LTBP1: variants seen among roughly 807,000 people sequenced by gnomAD.
LTBP1 encodes the protein latent transforming growth factor beta binding protein 1, also known as latent-transforming growth factor beta-binding protein 1.
Under a neutral mutation model 207.6 loss-of-function variants are expected in LTBP1, and 129 were observed. The observed-to-expected ratio is 0.62, with a 90% CI of 0.54 to 0.72. LTBP1 has a LOEUF of 0.72. LTBP1 is among the 30% of genes least tolerant of loss of function. The pLI is 0.00. For missense variants in LTBP1, 2,281 were observed against 2,217.2 expected, an observed-to-expected ratio of 1.03 and a Z score of -0.58; for synonymous variants, 963 against 833.7, an observed-to-expected ratio of 1.16 and a Z score of -2.67.
chr2:33,355,143 G>A (rs1335916661), intron 26 of LTBP1, among the ~76,000 whole-genome samples: 1 of 151,876 alleles, frequency 6.6e-6, no homozygotes, highest in Non-Finnish European at 1.5e-5. Flanking sequence ...ATCCTCGCAG[G>A]CCCTCATGAC....
At chr2:33,022,746 C>G (rs986288372) in intron 3 of LTBP1, among the ~76,000 whole-genome samples, 1 of 152,200 alleles carries the variant, frequency 6.6e-6, no homozygotes, top group Non-Finnish European at 1.5e-5. Context: ...CATACGGTTT[C>G]TGTTGCATCT....
At chr2:32,959,612 TA>T (rs1193994001) in intron 2 of LTBP1, among the ~76,000 whole-genome samples, 770 of 55,560 alleles carry the variant, frequency 0.014, 5 homozygotes, top group Non-Finnish European at 0.024. Context: ...TATATATATA[TA>T]TATATATATT....
chr2:32,960,470 T>C (rs1678921539), intron 2 of LTBP1, among the ~76,000 whole-genome samples: 1 of 152,164 alleles, frequency 6.6e-6, no homozygotes, highest in Non-Finnish European at 1.5e-5. Flanking sequence ...AGCTCCTATA[T>C]AGTAGGTTTT....
chr2:32,955,478 A>G (rs960157279), intron 2 of LTBP1, among the ~76,000 whole-genome samples: 1 of 151,946 alleles, frequency 6.6e-6, no homozygotes, highest in Non-Finnish European at 1.5e-5. Flanking sequence ...GTTTTCTTCC[A>G]CTAATTTTTT....
At chr2:33,252,558 C>A in intron 10 of LTBP1, 119 bp from the exon 11 acceptor site, 1 of 899,098 alleles carries the variant, frequency 1.1e-6, no homozygotes, top group Non-Finnish European at 1.6e-6. Context: ...TAAATCTAGA[C>A]AGATTTATCC....
intron 22 of LTBP1, among the ~76,000 whole-genome samples, chr2:33,309,088 G>A (rs149097490): frequency 1.5e-3 from 222 of 152,106 alleles, no homozygotes; most frequent in African/African-American, 5.0e-3. Flanking sequence ...TTGAAGACCA[G>A]ACTGGCCAAC....
chr2:33,142,209 G>A (rs748191487), intron 5 of LTBP1, among the ~76,000 whole-genome samples: 3 of 151,802 alleles, frequency 2.0e-5, no homozygotes, highest in Non-Finnish European at 2.9e-5. Flanking sequence ...CCACCACCAC[G>A]CCCGGCTAAT....
intron 3 of LTBP1, among the ~76,000 whole-genome samples, chr2:33,068,371 T>G (rs2077622543): frequency 6.6e-6 from 1 of 152,134 alleles, no homozygotes; most frequent in Non-Finnish European, 1.5e-5. Flanking sequence ...TGTGCACAGC[T>G]TCTTCCATTA....
intron 3 of LTBP1, chr2:33,056,433 A>G: frequency 1.0e-6 from 1 of 991,772 alleles, no homozygotes; most frequent in Non-Finnish European, 1.4e-6. Context: ...TTTGCCCAGC[A>G]GCTTGTTTAG....
intron 4 of LTBP1, among the ~76,000 whole-genome samples, chr2:33,119,070 A>G (rs2080952449): frequency 6.6e-6 from 1 of 152,190 alleles, no homozygotes; most frequent in Non-Finnish European, 1.5e-5. Flanking sequence ...CCAAGAGTTT[A>G]TAAGAAACAA....
chr2:33,265,629 T>G (rs561384530), intron 15 of LTBP1, among the ~76,000 whole-genome samples: 21 of 152,298 alleles, frequency 1.4e-4, no homozygotes, highest in Middle Eastern at 3.4e-3. Flanking sequence ...ATTATACCAG[T>G]TTTTTTAAAG....
chr2:33,139,147 C>T (rs1474864420), intron 5 of LTBP1, among the ~76,000 whole-genome samples: 9 of 152,104 alleles, frequency 5.9e-5, no homozygotes, highest in African/African-American at 1.4e-4. Flanking sequence ...CGTGAGCCAC[C>T]GCGCCCGGCT....
intron 15 of LTBP1, among the ~76,000 whole-genome samples, chr2:33,271,656 A>G (rs945452827): frequency 6.6e-6 from 1 of 152,194 alleles, no homozygotes; most frequent in Non-Finnish European, 1.5e-5. Flanking sequence ...AGTACCAAAA[A>G]AAATGAAGAA....
chr2:33,355,750 G>A (rs760645269), intron 26 of LTBP1, among the ~76,000 whole-genome samples: 25 of 151,780 alleles, frequency 1.6e-4, no homozygotes, highest in Non-Finnish European at 2.8e-4. Flanking sequence ...CTCTTGTAAT[G>A]CCTTCACTAG....
chr2:33,232,917 C>T (rs556454119), intron 9 of LTBP1, among the ~76,000 whole-genome samples: 1 of 152,070 alleles, frequency 6.6e-6, no homozygotes, highest in Admixed American at 6.6e-5. Flanking sequence ...TACATTATAC[C>T]AAAGTCTTCT....
intron 9 of LTBP1, among the ~76,000 whole-genome samples, chr2:33,243,051 G>C (rs1228063471): frequency 6.6e-6 from 1 of 152,116 alleles, no homozygotes; most frequent in Non-Finnish European, 1.5e-5. Flanking sequence ...CTGTGCTCAA[G>C]CTCCAGGGTT....
chr2:33,370,077 T>C lies in LTBP1; in HGVS notation c.4711+4574T>C, dbSNP rs2095048600. Among the ~76,000 whole-genome samples the C allele has an allele frequency of 4.3e-5, 5 of 117,486 alleles. No individual in the cohort carries two copies. The South Asian group carries it at 9.1e-4, about 21-fold the overall frequency. 77.1% of individuals were successfully genotyped at this position (117,486 alleles called of 152,430 possible). A position where few individuals can be genotyped will look rare whatever the true frequency, so the allele number is the denominator to read the frequency against. On this transcript the variant is annotated intron_variant, in intron 31 of 33. Transcript: ENST00000404816. ...TTTTCTCTCTCTGTACCTCAGTTTC[T>C]CATGTGAAAATAATATCTGCCTTTC... is the stretch of plus-strand genomic sequence containing the variant.
chr2:33,188,657 A>G lies in LTBP1; in HGVS notation c.1507A>G (p.Ile503Val), dbSNP rs2148844110. Residue 503 changes from isoleucine (I) to valine (V), a missense_variant, in exon 7 of 34, where the codon ATT becomes GTT. Physicochemically the swap from Ile to Val is conservative, Grantham distance 29. Coordinates refer to ENST00000404816, the MANE Select transcript of LTBP1 (RefSeq NM_206943.4). ...ASVQIHQVSR[I>V]DGPTGQKTKE... ...CGTCCAGATACATCAGGTTTCAAGA[A>G]TTGATGGCCCAACAGGCCAGAAGAC... is the stretch of plus-strand genomic sequence containing the variant. The G allele has an allele frequency of 6.2e-7, 1 of 1,614,148 alleles. No individual in the cohort carries two copies. The highest frequency in any genetic ancestry group is 8.5e-7 in the Non-Finnish European group (1 of 1,180,036).
Position 33,309,438 on chromosome 2 carries a change from C to A in LTBP1, c.3486C>A (p.Ile1162=). 2 of 1,588,794 alleles carry A rather than the reference C, an allele frequency of 1.3e-6. No individual in the cohort carries two copies. The highest frequency in any genetic ancestry group is 1.2e-5 in the South Asian group (1 of 85,360). Residue 1162 remains isoleucine, a synonymous_variant, in exon 23 of 34, where the codon ATC becomes ATA. Coordinates refer to ENST00000404816, the MANE Select transcript of LTBP1 (RefSeq NM_206943.4). The part of the protein sequence containing the change: ...ASGLGDHCED[I]NECLEDKSVC... ...AATTTTTAAATTGGTTTTTAGATATCAATGAATGCTTGGAGGACAAGAGTG... is the reference window on the plus strand; with the variant it reads ...AATTTTTAAATTGGTTTTTAGATATAAATGAATGCTTGGAGGACAAGAGTG...
Sources: gnomAD v4.1 joint callset for allele counts (sites outside exome capture counted in the v4.1 genomes callset) on GRCh38, gnomAD v4.1.1 for gene constraint, MANE v1.5 for transcripts, NCBI Gene and HGNC (gene_info 2026-07-23, HGNC 2026-07-21) for gene names.